Variants in SPOCK3 observed in about 807,000 individuals in gnomAD.
SPOCK3 encodes testican-3.
In SPOCK3, 30 loss-of-function variants were observed where a neutral mutation model predicts 56.6. That is an observed-to-expected ratio of 0.53 (90% CI 0.40 to 0.72). The LOEUF (loss-of-function observed/expected upper bound fraction) is 0.72, where lower values mean the gene tolerates loss of function less well. Ranked by LOEUF, SPOCK3 falls within the 30% of genes least tolerant of loss-of-function variation. The pLI is 0.00. For synonymous variants in SPOCK3, 196 were observed against 183.3 expected (o/e 1.07, Z -0.56); for missense variants, 527 against 530.0 (o/e 0.99, Z 0.06).
chr4:166,962,764 C>A (rs1487417675), intron 4 of SPOCK3, among the ~76,000 whole-genome samples: 1 of 151,964 alleles, frequency 6.6e-6, no homozygotes, highest in Non-Finnish European at 1.5e-5. Context: ...ATGACTTATT[C>A]TATTTTTAAT....
chr4:167,014,014 G>A (rs1750351305), intron 3 of SPOCK3, among the ~76,000 whole-genome samples: 1 of 152,156 alleles, frequency 6.6e-6, no homozygotes. Context: ...GGTGCCTAGA[G>A]TATTTACAGG....
chr4:166,941,946 C>G (rs893617132), intron 4 of SPOCK3, among the ~76,000 whole-genome samples: 3 of 152,142 alleles, frequency 2.0e-5, no homozygotes, highest in Non-Finnish European at 2.9e-5. Flanking sequence ...CCCAGCTAAG[C>G]TGCACTCAGA....
chr4:166,971,298 T>C (rs1177681388), intron 4 of SPOCK3, among the ~76,000 whole-genome samples: 1 of 152,206 alleles, frequency 6.6e-6, no homozygotes, highest in Non-Finnish European at 1.5e-5. Flanking sequence ...GTGTCACATA[T>C]ATTTTTGTAT....
chr4:166,792,909 T>C (rs1249369555), intron 6 of SPOCK3, among the ~76,000 whole-genome samples: 2 of 152,172 alleles, frequency 1.3e-5, no homozygotes, highest in East Asian at 3.9e-4. Flanking sequence ...CTTTAACATT[T>C]GGAACTAAAG....
chr4:167,055,685 G>T (rs1264635165), intron 3 of SPOCK3, among the ~76,000 whole-genome samples: 3 of 152,220 alleles, frequency 2.0e-5, no homozygotes, highest in African/African-American at 7.2e-5. Context: ...TACGCCCACG[G>T]AGTCTCACTG....
intron 3 of SPOCK3, among the ~76,000 whole-genome samples, chr4:167,003,144 T>C (rs767771351): frequency 2.6e-5 from 4 of 152,166 alleles, no homozygotes; most frequent in Non-Finnish European, 4.4e-5. Flanking sequence ...CACACAGTTT[T>C]GTCATGTATG....
chr4:167,070,538 A>C (rs2150264652), intron 2 of SPOCK3, among the ~76,000 whole-genome samples: 1 of 151,948 alleles, frequency 6.6e-6, no homozygotes, highest in South Asian at 2.1e-4. Context: ...CTCAAACCAA[A>C]CTTTAGAATT....
At chr4:167,009,222 A>T in intron 3 of SPOCK3, among the ~76,000 whole-genome samples, 1 of 152,124 alleles carries the variant, frequency 6.6e-6, no homozygotes, top group African/African-American at 2.4e-5. Flanking sequence ...AGGATCTGGC[A>T]ATTTTAGTAT....
chr4:166,918,370 T>A (rs1014591577), intron 4 of SPOCK3: 2 of 152,104 alleles, frequency 1.3e-5, no homozygotes, highest in Admixed American at 1.3e-4. Context: ...ATATACTCTA[T>A]GAATGCAAAA....
chr4:166,900,528 T>G (rs533850567), intron 5 of SPOCK3, among the ~76,000 whole-genome samples: 1 of 152,252 alleles, frequency 6.6e-6, no homozygotes, highest in South Asian at 2.1e-4. Context: ...TATACCTATT[T>G]TAAACATTGA....
At chr4:166,845,343 G>A (rs1025446549) in intron 6 of SPOCK3, among the ~76,000 whole-genome samples, 1 of 151,990 alleles carries the variant, frequency 6.6e-6, no homozygotes, top group African/African-American at 2.4e-5. Context: ...AAGTGACACT[G>A]GGCATATGAA....
At chr4:166,828,519 C>T (rs2126786108) in intron 6 of SPOCK3, among the ~76,000 whole-genome samples, 1 of 151,986 alleles carries the variant, frequency 6.6e-6, no homozygotes, top group South Asian at 2.1e-4. Flanking sequence ...CCACTTTTTA[C>T]TTTATACCCA....
intron 5 of SPOCK3, among the ~76,000 whole-genome samples, chr4:166,892,753 C>T (rs900172279): frequency 2.0e-5 from 3 of 152,092 alleles, no homozygotes; most frequent in Non-Finnish European, 4.4e-5. Flanking sequence ...ACTTAAGTTA[C>T]GAGTTCTTGT....
chr4:166,911,319 G>C (rs539771711), intron 5 of SPOCK3, among the ~76,000 whole-genome samples: 1 of 152,228 alleles, frequency 6.6e-6, no homozygotes, highest in East Asian at 1.9e-4. Flanking sequence ...ATTGTAAAAG[G>C]CAAGTGGAAG....
Position 166,734,744 on chromosome 4 carries a change from A to G in SPOCK3, c.*177T>C, listed in dbSNP as rs1734047515. On this transcript the variant is annotated 3_prime_UTR_variant, in exon 11 of 11. Transcript: ENST00000357545. Reference sequence around the variant, plus strand: ...TAAGGAATATAAAAACTCAAAGCAAATGATTCTTATTTAAACATAAAGTTC... The same window carrying G: ...TAAGGAATATAAAAACTCAAAGCAAGTGATTCTTATTTAAACATAAAGTTC... The G allele has an allele frequency of 3.6e-6, 2 of 550,836 alleles. No homozygotes were observed. Among genetic ancestry groups the G allele is most frequent in the South Asian group, 7.9e-5 (2 of 25,348 alleles). 34.1% of individuals were successfully genotyped at this position (550,836 alleles called of 1,614,324 possible). A position where few individuals can be genotyped will look rare whatever the true frequency, so the allele number is the denominator to read the frequency against.
At chr4:167,179,324 C>G (rs1731249355) in intron 2 of SPOCK3, among the ~76,000 whole-genome samples, 1 of 152,166 alleles carries the variant, frequency 6.6e-6, no homozygotes, top group African/African-American at 2.4e-5. Flanking sequence ...CTCTCTGCTG[C>G]AGAGCCTGTG....
chr4:167,143,852 AC>A (rs1763722899), intron 2 of SPOCK3, among the ~76,000 whole-genome samples: 1 of 152,016 alleles, frequency 6.6e-6, no homozygotes, highest in South Asian at 2.1e-4. Flanking sequence ...TGAATGAGGT[AC>A]TTAGCCAACA....
At chr4:166,815,741 C>T (rs1160041797) in intron 6 of SPOCK3, among the ~76,000 whole-genome samples, 1 of 152,044 alleles carries the variant, frequency 6.6e-6, no homozygotes, top group Non-Finnish European at 1.5e-5. Flanking sequence ...TGCCACTGCA[C>T]TCCAACCTCG....
chr4:166,947,763 T>C (rs1741959110), intron 4 of SPOCK3, among the ~76,000 whole-genome samples: 1 of 152,152 alleles, frequency 6.6e-6, no homozygotes, highest in Non-Finnish European at 1.5e-5. Flanking sequence ...CACGGATTCA[T>C]GAGGTACAGT....
Sources: allele counts gnomAD v4.1 joint callset (sites outside exome capture counted in the v4.1 genomes callset), GRCh38; gene constraint gnomAD v4.1.1; transcripts MANE v1.5; gene names NCBI Gene and HGNC (gene_info 2026-07-23, HGNC 2026-07-21).